Variants in CCDC141 observed in about 807,000 individuals in gnomAD.
CCDC141 encodes coiled-coil domain containing 141.
A neutral mutation model predicts 181.0 loss-of-function variants in CCDC141; 168 were observed. The ratio of observed to expected loss-of-function variants is 0.93; its 90% CI spans 0.82 to 1.05. The LOEUF (loss-of-function observed/expected upper bound fraction) is 1.05, where lower values mean the gene tolerates loss of function less well. Among genes scored for constraint, CCDC141 ranks in the 50% least tolerant of loss-of-function variants. The pLI is 0.00. For synonymous variants in CCDC141, 666 were observed against 642.3 expected (o/e 1.04, Z -0.56); for missense variants, 1,902 against 1,788.5 (o/e 1.06, Z -1.14).
intron 2 of CCDC141, among the ~76,000 whole-genome samples, chr2:178,992,274 A>G (rs1489738594): frequency 6.7e-6 from 1 of 148,850 alleles, no homozygotes; most frequent in African/African-American, 2.5e-5. Context: ...TCAATTTTTT[A>G]TAATAAAATA....
the CCDC141 span, among the ~76,000 whole-genome samples, chr2:178,822,741 T>A: frequency 2.6e-5 from 4 of 152,218 alleles, no homozygotes; most frequent in Non-Finnish European, 4.4e-5. Flanking sequence ...GTTTATCTCA[T>A]CTATGTTATC....
intron 8 of CCDC141, among the ~76,000 whole-genome samples, chr2:178,895,547 G>A (rs1687367998): frequency 6.6e-6 from 1 of 152,160 alleles, no homozygotes; most frequent in African/African-American, 2.4e-5. Flanking sequence ...GGAAGTGTGA[G>A]CTTTTGGTAC....
intron 4 of CCDC141, among the ~76,000 whole-genome samples, chr2:178,962,698 CACACTT>C (rs1690462185): frequency 6.6e-6 from 1 of 151,666 alleles, no homozygotes; most frequent in Non-Finnish European, 1.5e-5. Flanking sequence ...CACACACACT[CACACTT>C]ACAACAATGG....
intron 2 of CCDC141, among the ~76,000 whole-genome samples, chr2:178,980,418 C>A (rs1691322529): frequency 6.6e-6 from 1 of 151,992 alleles, no homozygotes; most frequent in African/African-American, 2.4e-5. Context: ...CCACTGCACT[C>A]CAGCCTGGGC....
chr2:179,041,889 T>C (rs1331875432), intron 2 of CCDC141, among the ~76,000 whole-genome samples: 1 of 152,180 alleles, frequency 6.6e-6, no homozygotes, highest in East Asian at 1.9e-4. Context: ...ATGTACCCAA[T>C]ACAGGAGTAC....
downstream of CCDC141, among the ~76,000 whole-genome samples, chr2:178,826,657 T>C (rs1250102518): frequency 3.3e-5 from 5 of 152,066 alleles, no homozygotes; most frequent in Admixed American, 6.5e-5. Context: ...GTTTTGGTAG[T>C]TTGTCTTTCA....
intron 12 of CCDC141, 149 bp downstream of exon 12, chr2:178,877,815 G>A (rs1441341281): frequency 1.1e-5 from 8 of 726,306 alleles, no homozygotes; most frequent in Non-Finnish European, 1.9e-5. Context: ...TAAATGTTGG[G>A]CTTCAGGACT....
intron 2 of CCDC141, among the ~76,000 whole-genome samples, chr2:178,989,080 C>T (rs1691902111): frequency 6.6e-6 from 1 of 152,102 alleles, no homozygotes; most frequent in Admixed American, 6.5e-5. Flanking sequence ...ATTTTCATCA[C>T]CTTGAATTTG....
At chr2:178,928,559 G>GA (rs141470592) in intron 6 of CCDC141, among the ~76,000 whole-genome samples, 3,307 of 150,046 alleles carry the variant, frequency 0.022, 110 homozygotes, top group African/African-American at 0.074. Context: ...CAAATGCCAG[G>GA]AAAAAAAAAG....
intron 2 of CCDC141, among the ~76,000 whole-genome samples, chr2:178,978,983 C>CA (rs1016263294): frequency 4.6e-5 from 7 of 150,966 alleles, no homozygotes; most frequent in African/African-American, 1.2e-4. Flanking sequence ...CTAACAGTTC[C>CA]AAAAAAAATA....
chr2:178,885,039 T>C lies in CCDC141; in HGVS notation c.1581A>G (p.Glu527=), dbSNP rs1462460038. ...GTGATACCATTTCATCAGATACAAATTCATTTTTCTCCATCATGGTTTTTG... is the reference window on the plus strand; with the variant it reads ...GTGATACCATTTCATCAGATACAAACTCATTTTTCTCCATCATGGTTTTTG... ...AAAKTMMEKN[E]FVSDEMVSLS... is the part of the protein sequence containing the mutation. Residue 527 remains glutamate, a synonymous_variant, in exon 11 of 24, where the codon GAA becomes GAG. Transcript: ENST00000443758. 3.9e-6 allele frequency: 6 copies of C among 1,550,286 alleles called. No homozygotes were observed. The Admixed American group carries it at 5.9e-5, about 15-fold the overall frequency.
intron 17 of CCDC141, among the ~76,000 whole-genome samples, chr2:178,859,830 G>C (rs1039038555): frequency 2.6e-5 from 4 of 152,170 alleles, no homozygotes; most frequent in Non-Finnish European, 5.9e-5. Context: ...AATAAACAAA[G>C]CTTCTTTGGA....
At chr2:178,857,474 G>A (rs1030911884) in intron 17 of CCDC141, among the ~76,000 whole-genome samples, 1 of 152,148 alleles carries the variant, frequency 6.6e-6, no homozygotes, top group Non-Finnish European at 1.5e-5. Context: ...GCTAACTTGT[G>A]TATAAATAAA....
chr2:178,909,136 C>T (rs1359711024), intron 7 of CCDC141, among the ~76,000 whole-genome samples: 2 of 152,194 alleles, frequency 1.3e-5, no homozygotes, highest in South Asian at 2.1e-4. Flanking sequence ...GATACCACTC[C>T]ACCCTCTTCT....
chr2:179,021,864 C>A (rs1276831628), intron 2 of CCDC141, among the ~76,000 whole-genome samples: 1 of 152,100 alleles, frequency 6.6e-6, no homozygotes, highest in Non-Finnish European at 1.5e-5. Context: ...TAAATGGAAC[C>A]AGATCAGATA....
At chr2:179,017,612 G>GA (rs548315550) in intron 2 of CCDC141, among the ~76,000 whole-genome samples, 103 of 152,068 alleles carry the variant, frequency 6.8e-4, no homozygotes, top group African/African-American at 2.4e-3. Context: ...TGTCTGAGGT[G>GA]AAAAAATACA....
intron 7 of CCDC141, among the ~76,000 whole-genome samples, chr2:178,910,267 G>A (rs1311043624): frequency 2.6e-5 from 4 of 152,164 alleles, no homozygotes; most frequent in Admixed American, 2.0e-4. Flanking sequence ...GTTTCACAAA[G>A]GTGTTTAATA....
chr2:178,941,374 T>C (rs1384531482), intron 6 of CCDC141, among the ~76,000 whole-genome samples: 1 of 152,342 alleles, frequency 6.6e-6, no homozygotes, highest in East Asian at 1.9e-4. Flanking sequence ...GAAGTCTTAA[T>C]AGCCAGTTAT....
At chr2:179,035,976 A>G (rs1205599076) in intron 2 of CCDC141, among the ~76,000 whole-genome samples, 3 of 152,200 alleles carry the variant, frequency 2.0e-5, no homozygotes, top group African/African-American at 7.2e-5. Context: ...AGTATTCACT[A>G]TAACCAAGCC....
Sources: gnomAD v4.1 joint callset for allele counts (sites outside exome capture counted in the v4.1 genomes callset) on GRCh38, gnomAD v4.1.1 for gene constraint, MANE v1.5 for transcripts, NCBI Gene and HGNC (gene_info 2026-07-23, HGNC 2026-07-21) for gene names.